SLC17A9: variants seen among roughly 807,000 people sequenced by gnomAD.
SLC17A9 encodes voltage-gated purine nucleotide uniporter SLC17A9.
Under a neutral mutation model 55.0 loss-of-function variants are expected in SLC17A9, and 49 were observed. That is an observed-to-expected ratio of 0.89 (90% CI 0.71 to 1.13). The LOEUF (loss-of-function observed/expected upper bound fraction) is 1.13. Among genes scored for constraint, SLC17A9 ranks in the 50% most tolerant of loss-of-function variants. The probability of loss-of-function intolerance (pLI) is 0.00; values close to 1 mark genes in which losing one functional copy is unlikely to be tolerated. For missense variants in SLC17A9, 526 were observed against 569.3 expected, an observed-to-expected ratio of 0.92 and a Z score of 0.77; for synonymous variants, 256 against 247.4, an observed-to-expected ratio of 1.03 and a Z score of -0.32.
chr20:62,961,613 C>A (rs1376988341), intron 4 of SLC17A9, among the ~76,000 whole-genome samples: 1 of 152,144 alleles, frequency 6.6e-6, no homozygotes, highest in Non-Finnish European at 1.5e-5. Flanking sequence ...TTCAGAGGGG[C>A]GGAGGCGGCC....
chr20:62,965,816 TCA>T (rs1454996958), intron 10 of SLC17A9, 91 bp downstream of exon 10: 2 of 1,216,184 alleles, frequency 1.6e-6, no homozygotes, highest in Admixed American at 1.8e-5. Context: ...TCCGCCTCTC[TCA>T]GTCTCTTCCT....
rs930788200 is a variant in SLC17A9, at chr20:62,968,734, C to T, written c.*1234C>T. The T allele has an allele frequency of 1.3e-5, 2 of 152,140 alleles. No homozygotes were observed. The highest frequency in any genetic ancestry group is 2.9e-5 in the Non-Finnish European group (2 of 68,026). The allele number at this position is 152,140 out of a possible 1,614,324, so 9.4% of individuals were successfully genotyped here. On this transcript the variant is annotated 3_prime_UTR_variant, in exon 13 of 13. Transcript: ENST00000370351. ...GAATCCCAGGAACGGACTCCTAGGC[C>T]GGGAGTGTTGAAATGAGCATGCCAG...
chr20:62,966,955 C>T (rs2065646270), intron 12 of SLC17A9: 12 of 603,692 alleles, frequency 2.0e-5, no homozygotes, highest in East Asian at 2.9e-5. Context: ...TGCCCTGACT[C>T]ACAGATATGT....
chr20:62,960,728 C>A, intron 4 of SLC17A9, 125 bp downstream of exon 4: 1 of 884,710 alleles, frequency 1.1e-6, no homozygotes, highest in Non-Finnish European at 1.7e-6. Context: ...AGGTGGGTCC[C>A]GCAGGCGCCT....
At position 62,953,244 on chromosome 20, in the gene SLC17A9, A is replaced by G. The variant is rs957837614; in HGVS notation, c.59+355A>G. On this transcript the variant is annotated intron_variant, in intron 1 of 12. Coordinates refer to ENST00000370351, the MANE Select transcript of SLC17A9 (RefSeq NM_022082.4). ...ACCCTGTGTATGCATGACCCTGACA[A>G]GCAGGCGCCAGGACAGTCAGGAGGC... 4.5e-6 allele frequency: 7 copies of G among 1,550,158 alleles called. No individual in the cohort carries two copies. In the South Asian group the frequency reaches 7.1e-5, roughly 16 times the overall value.
At chr20:62,953,041 G>A in intron 1 of SLC17A9, 152 bp downstream of exon 1, 1 of 1,180,794 alleles carries the variant, frequency 8.5e-7, no homozygotes, top group Admixed American at 2.2e-5. Context: ...TTCCTTGTGG[G>A]AGGTGGAAGG....
At position 62,952,902 on chromosome 20, in the gene SLC17A9, TGAGGG is replaced by T; in HGVS notation, c.59+20_59+24del. The T allele has an allele frequency of 2.5e-5, 3 of 118,868 alleles. No homozygotes were observed. The highest frequency in any genetic ancestry group is 2.8e-5 in the Non-Finnish European group (2 of 71,600). 7.4% of individuals were successfully genotyped at this position (118,868 alleles called of 1,614,324 possible). ...CCCAGTGGTCCAGGTGTGGCGGGGGTGAGGGGAGGGGGGGTGGGAGCGGTGGAGAT... is the reference window on the plus strand; with the variant it reads ...CCCAGTGGTCCAGGTGTGGCGGGGGTGAGGGGGGGTGGGAGCGGTGGAGAT... On this transcript the variant is annotated intron_variant, in intron 1 of 12. Coordinates refer to ENST00000370351, the MANE Select transcript of SLC17A9 (RefSeq NM_022082.4).
intron 12 of SLC17A9, chr20:62,967,053 C>T (rs974044060): frequency 2.4e-5 from 14 of 576,968 alleles, no homozygotes; most frequent in African/African-American, 1.7e-4. Flanking sequence ...AGCTCAGCCT[C>T]GCCTGGGCCG....
chr20:62,961,739 C>A (rs568888079), intron 4 of SLC17A9, among the ~76,000 whole-genome samples: 1 of 152,206 alleles, frequency 6.6e-6, no homozygotes, highest in Non-Finnish European at 1.5e-5. Flanking sequence ...GGATATACTT[C>A]TACTAAAGAA....
chr20:62,964,305 C>T lies in SLC17A9; in HGVS notation c.900C>T (p.Leu300=). 6.2e-7 allele frequency: 1 copy of T among 1,614,158 alleles called. No individual in the cohort carries two copies. The highest frequency in any genetic ancestry group is 1.1e-5 in the South Asian group (1 of 91,082). The change falls in exon 8 of 13, where the codon CTC becomes CTT. Residue 300 remains leucine (L), a synonymous_variant. Transcript: ENST00000370351. ...SLFSGFLSDH[L]INQGYRAITV... ...TCAGCGGGTTTCTCTCTGATCATCT[C>T]ATCAATCAGGGTGAGCCCCAGGGAG...
Position 62,962,418 on chromosome 20 carries a change from C to G in SLC17A9, c.498-206C>G. 1 of 495,372 alleles carries G rather than the reference C, an allele frequency of 2.0e-6. No homozygotes were observed. Among genetic ancestry groups the G allele is most frequent in the Non-Finnish European group, 3.5e-6 (1 of 285,870 alleles). 30.7% of individuals were successfully genotyped at this position (495,372 alleles called of 1,614,324 possible). A position where few individuals can be genotyped will look rare whatever the true frequency, so the allele number is the denominator to read the frequency against. The stretch of plus-strand genomic sequence containing the variant: ...TGGCTGGTCCCAGGTTCGCCCCAGC[C>G]CTGTGTGCCCGGAGTCTCCCCTGAG... On this transcript the variant is annotated intron_variant, in intron 4 of 12. Transcript: ENST00000370351. The surrounding 1 kb of genome is among the most constrained non-coding windows in gnomAD (Gnocchi z 5.5).
chr20:62,954,749 T>A lies in SLC17A9; in HGVS notation c.59+1860T>A, dbSNP rs112891715. ...CACCTGCCCAGCTCAGAGAAGGGGC[T>A]GTGGCTGCCGCCTGCCACGTAGGGC... On this transcript the variant is annotated intron_variant, in intron 1 of 12. Transcript: ENST00000370351. 4.2e-3 allele frequency among the ~76,000 whole-genome samples: 644 copies of A among 152,346 alleles called. 3 individuals carry two copies. Among genetic ancestry groups the A allele is most frequent in the African/African-American group, 0.015 (613 of 41,576 alleles).
intron 1 of SLC17A9, among the ~76,000 whole-genome samples, chr20:62,956,102 T>C (rs1295669639): frequency 6.6e-6 from 1 of 152,232 alleles, no homozygotes; most frequent in Non-Finnish European, 1.5e-5. Flanking sequence ...TGACCTGTTC[T>C]TGCCTCTGAG....
chr20:62,963,011 C>T, intron 5 of SLC17A9: 1 of 639,326 alleles, frequency 1.6e-6, no homozygotes, highest in Non-Finnish European at 2.7e-6. Flanking sequence ...AGGCAGGGTG[C>T]AGGAGCAGCC....
At chr20:62,954,105 G>A (rs971337817) in intron 1 of SLC17A9, among the ~76,000 whole-genome samples, 3 of 118,050 alleles carry the variant, frequency 2.5e-5, no homozygotes, top group Non-Finnish European at 1.8e-5. Flanking sequence ...TCCCAGGCTC[G>A]ATGTTTAAAA....
chr20:62,962,590 G>A lies in SLC17A9; in HGVS notation c.498-34G>A, dbSNP rs2065597846. 1 of 1,610,838 alleles carries A rather than the reference G, an allele frequency of 6.2e-7. No homozygotes were observed. Among genetic ancestry groups the A allele is most frequent in the African/African-American group, 1.3e-5 (1 of 74,876 alleles). ...CCCTCCTCACCCGAGGGGTGCCGCT[G>A]AGGGGCCTGGCCACACTCCCCCTGT... On this transcript the variant is annotated intron_variant, in intron 4 of 12. Transcript: ENST00000370351. This position sits in a 1 kb window ranked among gnomAD's most constrained non-coding sequence, Gnocchi z 5.5.
chr20:62,965,265 G>C, intron 9 of SLC17A9, 99 bp downstream of exon 9: 1 of 1,521,340 alleles, frequency 6.6e-7, no homozygotes, highest in Non-Finnish European at 9.1e-7. Context: ...TGATATCTGG[G>C]ACCAGGCAAA....
At position 62,963,347 on chromosome 20, in the gene SLC17A9, C is replaced by T; in HGVS notation, c.703C>T (p.Leu235Phe). 6.2e-7 allele frequency: 1 copy of T among 1,613,650 alleles called. No individual in the cohort carries two copies. The highest frequency in any genetic ancestry group is 8.5e-7 in the Non-Finnish European group (1 of 1,179,980). ...SRHNRVPWRR[L>F]FRKPAVWAAV... ...GCACAACAGAGTCCCCTGGAGACGG[C>T]TCTTCCGGAAGCCTGCTGTCTGGTG... Residue 235 changes from leucine to phenylalanine, a missense_variant, in exon 6 of 13, where the codon CTC (leucine) becomes TTC (phenylalanine). Coordinates refer to ENST00000370351, the MANE Select transcript of SLC17A9 (RefSeq NM_022082.4).
intron 8 of SLC17A9, 158 bp from the exon 9 acceptor site, chr20:62,964,974 G>A (rs1401970086): frequency 5.2e-6 from 4 of 772,624 alleles, no homozygotes; most frequent in African/African-American, 3.5e-5. Flanking sequence ...CCACATGCGT[G>A]TGTGCACACG....
Sources: allele counts gnomAD v4.1 joint callset (sites outside exome capture counted in the v4.1 genomes callset), GRCh38; gene constraint gnomAD v4.1.1; non-coding constraint Gnocchi (gnomAD v3.1); transcripts MANE v1.5; gene names NCBI Gene and HGNC (gene_info 2026-07-23, HGNC 2026-07-21).